Variants in DLGAP1 observed in about 807,000 individuals in gnomAD.
DLGAP1 encodes the protein disks large-associated protein 1.
A neutral mutation model predicts 90.8 loss-of-function variants in DLGAP1; 11 were observed. The ratio of observed to expected loss-of-function variants is 0.12; its 90% CI spans 0.08 to 0.20. The LOEUF is 0.20. DLGAP1 is among the 10% of genes least tolerant of loss of function. The pLI is 1.00. For missense variants in DLGAP1, 1,050 were observed against 1,333.8 expected (o/e 0.79, Z 3.31); for synonymous variants, 558 against 540.7 (o/e 1.03, Z -0.44).
intron 5 of DLGAP1, among the ~76,000 whole-genome samples, chr18:3,808,072 G>A (rs1157861368): frequency 6.6e-6 from 1 of 152,172 alleles, no homozygotes. Context: ...ACTAGGAGTG[G>A]TGATCTGGGA....
chr18:4,317,537 G>T (rs1023561092), intron 1 of DLGAP1, among the ~76,000 whole-genome samples: 1 of 152,170 alleles, frequency 6.6e-6, no homozygotes, highest in Non-Finnish European at 1.5e-5. Flanking sequence ...AGCAGTGAAA[G>T]GATTGAAGGA....
chr18:4,150,697 G>A (rs1035835549), intron 2 of DLGAP1, among the ~76,000 whole-genome samples: 1 of 152,212 alleles, frequency 6.6e-6, no homozygotes, highest in African/African-American at 2.4e-5. Flanking sequence ...GTCTCCCAAA[G>A]TGCTGGAATT....
chr18:3,729,239 C>T lies in DLGAP1; in HGVS notation c.1487G>A (p.Arg496Gln), dbSNP rs1568027013. 3 of 1,613,942 alleles carry T rather than the reference C, an allele frequency of 1.9e-6. No individual in the cohort carries two copies. In the South Asian group the frequency reaches 3.3e-5, roughly 18 times the overall value. ...CTGGGAGCAGCCTTTCTCAATGGCC[C>T]GCACATAGCTGTGGCTCCGCATGCG... is the stretch of plus-strand genomic sequence containing the variant. ...CFRMRSHSYV[R>Q]AIEKGCSQDD... Residue 496 changes from arginine to glutamine, a missense_variant, in exon 7 of 13, where the codon CGG becomes CAG. By Grantham distance (43) the Arg-to-Gln change is conservative (BLOSUM62 1). Transcript: ENST00000315677. The surrounding 1 kb of genome is among the most constrained non-coding windows in gnomAD (Gnocchi z 6.2).
chr18:3,573,669 T>C (rs1405286755), intron 8 of DLGAP1, among the ~76,000 whole-genome samples: 2 of 152,072 alleles, frequency 1.3e-5, no homozygotes, highest in Non-Finnish European at 2.9e-5. Flanking sequence ...CTTTATTCTA[T>C]GGTTATAAGA....
At chr18:3,679,381 C>T (rs888827275) in intron 7 of DLGAP1, among the ~76,000 whole-genome samples, 37 of 151,860 alleles carry the variant, frequency 2.4e-4, no homozygotes, top group Admixed American at 1.0e-3. Flanking sequence ...CTTTCTGTTG[C>T]GAGAATGAAT....
At chr18:4,221,669 T>G (rs934311998) in intron 1 of DLGAP1, among the ~76,000 whole-genome samples, 1 of 152,168 alleles carries the variant, frequency 6.6e-6, no homozygotes, top group Non-Finnish European at 1.5e-5. Context: ...GAGCACAAAA[T>G]CAACCCTTGC....
At chr18:4,213,110 T>A (rs939980001) in intron 1 of DLGAP1, among the ~76,000 whole-genome samples, 1 of 152,124 alleles carries the variant, frequency 6.6e-6, no homozygotes, top group African/African-American at 2.4e-5. Context: ...AAATTAGACT[T>A]TGAAGGTATA....
intron 3 of DLGAP1, among the ~76,000 whole-genome samples, chr18:3,974,240 A>T (rs1241238113): frequency 6.6e-6 from 1 of 151,926 alleles, no homozygotes; most frequent in Non-Finnish European, 1.5e-5. Context: ...ACACCTGGCT[A>T]ATTTTTTTGT....
Position 3,711,197 on chromosome 18 carries a change from T to C in DLGAP1, c.1591+17938A>G, listed in dbSNP as rs1327780815. On this transcript the variant is annotated intron_variant, in intron 7 of 12. Transcript: ENST00000315677. The surrounding 1 kb of genome is among the most constrained non-coding windows in gnomAD (Gnocchi z 4.0). ...GGAAGTAAAAACAAAGCCAAGGGCA[T>C]ATCCTTGTTGTTTCAGGCATTTAAA... 3.3e-5 allele frequency among the ~76,000 whole-genome samples: 5 copies of C among 152,214 alleles called. No individual in the cohort carries two copies. Among genetic ancestry groups the C allele is most frequent in the Non-Finnish European group, 7.3e-5 (5 of 68,040 alleles).
At chr18:4,181,686 T>G (rs1349233210) in intron 1 of DLGAP1, among the ~76,000 whole-genome samples, 1 of 151,970 alleles carries the variant, frequency 6.6e-6, no homozygotes, top group Non-Finnish European at 1.5e-5. Context: ...TTAAGTGTCT[T>G]TGGATTTCTT....
chr18:4,185,560 T>C (rs2077278975), intron 1 of DLGAP1, among the ~76,000 whole-genome samples: 1 of 152,314 alleles, frequency 6.6e-6, no homozygotes, highest in East Asian at 1.9e-4. Flanking sequence ...TTTGGCTCCA[T>C]CCATGTTCCT....
At chr18:3,610,974 C>T (rs886999664) in intron 7 of DLGAP1, among the ~76,000 whole-genome samples, 7 of 149,394 alleles carry the variant, frequency 4.7e-5, no homozygotes, top group East Asian at 4.0e-4. Flanking sequence ...TGCACGTTAG[C>T]GAAATTTGTA....
rs574285816 is a variant in DLGAP1 at position 4,059,787 on chromosome 18, T to G, written c.-158-54586A>C. 4.0e-4 allele frequency among the ~76,000 whole-genome samples: 61 copies of G among 152,282 alleles called. No homozygotes were observed. In the South Asian group the frequency reaches 5.4e-3, roughly 13 times the overall value. On this transcript the variant is annotated intron_variant, in intron 2 of 12. Coordinates refer to ENST00000315677, the MANE Select transcript of DLGAP1 (RefSeq NM_004746.4). Reference sequence around the variant, plus strand: ...AAATCAGCCTTAGAACTCGTGCCCTTAGACAGGAAATCCTCAAATTAGCTT... The same window carrying G: ...AAATCAGCCTTAGAACTCGTGCCCTGAGACAGGAAATCCTCAAATTAGCTT...
At chr18:4,064,427 T>C (rs7235031) in intron 2 of DLGAP1, among the ~76,000 whole-genome samples, 1 of 150,906 alleles carries the variant, frequency 6.6e-6, no homozygotes, top group Non-Finnish European at 1.5e-5. Flanking sequence ...CTTGAAAAAA[T>C]TAATACAATA....
At chr18:3,592,894 GAAAAAGAAAAAGA>G (rs1236515330) in intron 7 of DLGAP1, among the ~76,000 whole-genome samples, 3 of 93,460 alleles carry the variant, frequency 3.2e-5, no homozygotes, top group East Asian at 2.9e-4. Context: ...AAAAGAAAAA[GAAAAAGAAAAAGA>G]AAAAAAAGAA....
intron 7 of DLGAP1, among the ~76,000 whole-genome samples, chr18:3,697,560 AT>A (rs1467298321): frequency 6.6e-6 from 1 of 151,564 alleles, no homozygotes; most frequent in Non-Finnish European, 1.5e-5. Flanking sequence ...AGAGACTGTT[AT>A]GATTTCTGTT....
intron 7 of DLGAP1, among the ~76,000 whole-genome samples, chr18:3,615,339 T>C (rs778223295): frequency 1.4e-4 from 22 of 152,184 alleles, no homozygotes; most frequent in Non-Finnish European, 2.6e-4. Context: ...TTGGTGCTGA[T>C]TGGGGAGCCT....
intron 5 of DLGAP1, among the ~76,000 whole-genome samples, chr18:3,783,655 TG>T (rs1359436478): frequency 6.6e-6 from 1 of 152,054 alleles, no homozygotes; most frequent in African/African-American, 2.4e-5. Context: ...CCAATAGGCA[TG>T]GGGATTTGTG....
chr18:3,746,100 A>G (rs1188593186), intron 5 of DLGAP1, among the ~76,000 whole-genome samples: 1 of 152,246 alleles, frequency 6.6e-6, no homozygotes, highest in Non-Finnish European at 1.5e-5. Context: ...ATGTGTTTGA[A>G]TATAATATAT....
Sources: gnomAD v4.1 joint callset for allele counts (sites outside exome capture counted in the v4.1 genomes callset) on GRCh38, gnomAD v4.1.1 for gene constraint, Gnocchi (gnomAD v3.1) non-coding constraint, MANE v1.5 for transcripts, NCBI Gene and HGNC (gene_info 2026-07-23, HGNC 2026-07-21) for gene names.